WWOX: variants seen among roughly 807,000 people sequenced by gnomAD.
WWOX encodes WW domain containing oxidoreductase, also known as WW domain-containing oxidoreductase.
Under a neutral mutation model 46.2 loss-of-function variants are expected in WWOX, and 69 were observed. The observed-to-expected ratio is 1.49, with a 90% CI of 1.23 to 1.82. WWOX has a LOEUF of 1.82. Ranked by LOEUF, WWOX falls within the 40% of genes most tolerant of loss-of-function variation. WWOX has a pLI of 0.00. For missense variants in WWOX, 919 were observed against 542.6 expected (o/e 1.69, Z -6.89); for synonymous variants, 359 against 202.6 (o/e 1.77, Z -6.56).
At chr16:78,252,279 A>G (rs2038003594) in intron 5 of WWOX, among the ~76,000 whole-genome samples, 1 of 152,242 alleles carries the variant, frequency 6.6e-6, no homozygotes, top group Admixed American at 6.5e-5. Flanking sequence ...TTTAAAAAAA[A>G]TCATATGTAT....
At chr16:78,695,325 A>T (rs74965821) in intron 8 of WWOX, among the ~76,000 whole-genome samples, 3,942 of 152,052 alleles carry the variant, frequency 0.026, 169 homozygotes, top group African/African-American at 0.09. Context: ...TCTCACTCCA[A>T]TTTGAATCCT....
chr16:78,865,120 A>G (rs536202295), intron 8 of WWOX, among the ~76,000 whole-genome samples: 14 of 152,230 alleles, frequency 9.2e-5, no homozygotes, highest in Admixed American at 5.2e-4. Context: ...TTATTAACAT[A>G]TTACATATGT....
intron 8 of WWOX, among the ~76,000 whole-genome samples, chr16:79,066,265 C>A (rs992362694): frequency 6.6e-6 from 1 of 152,166 alleles, no homozygotes; most frequent in African/African-American, 2.4e-5. Flanking sequence ...CTCTGGTTAT[C>A]CTCAGTCATG....
chr16:78,441,452 A>G (rs530486189), intron 8 of WWOX, among the ~76,000 whole-genome samples: 1 of 152,304 alleles, frequency 6.6e-6, no homozygotes, highest in African/African-American at 2.4e-5. Flanking sequence ...CGTAAAAGAT[A>G]AGGCAAGGAG....
chr16:78,729,017 C>G (rs1014320103), intron 8 of WWOX, among the ~76,000 whole-genome samples: 1 of 152,056 alleles, frequency 6.6e-6, no homozygotes, highest in African/African-American at 2.4e-5. Flanking sequence ...GGGTCATCCC[C>G]CTAAAGATAT....
intron 5 of WWOX, among the ~76,000 whole-genome samples, chr16:78,207,218 G>C (rs2036422848): frequency 6.6e-6 from 1 of 152,196 alleles, no homozygotes; most frequent in Non-Finnish European, 1.5e-5. Context: ...ATCCCAGGCA[G>C]ATGCCACAAA....
At chr16:78,971,631 C>A (rs1276967957) in intron 8 of WWOX, among the ~76,000 whole-genome samples, 3 of 151,926 alleles carry the variant, frequency 2.0e-5, no homozygotes, top group African/African-American at 4.8e-5. Flanking sequence ...TGGACCAAAT[C>A]TATTGTTACA....
chr16:78,288,072 CTG>C (rs1190881236), intron 5 of WWOX, among the ~76,000 whole-genome samples: 2 of 152,050 alleles, frequency 1.3e-5, no homozygotes, highest in African/African-American at 4.8e-5. Flanking sequence ...TATTTTTTAA[CTG>C]TGCAATTTAA....
intron 5 of WWOX, among the ~76,000 whole-genome samples, chr16:78,224,554 A>C (rs2151800841): frequency 6.6e-6 from 1 of 152,314 alleles, no homozygotes; most frequent in Middle Eastern, 3.4e-3. Context: ...GTCATGATTT[A>C]CTTAACCAAT....
At chr16:78,974,602 T>G (rs17636643) in intron 8 of WWOX, among the ~76,000 whole-genome samples, 5,537 of 152,332 alleles carry the variant, frequency 0.036, 128 homozygotes, top group Non-Finnish European at 0.048. Context: ...TGTTTTTTAT[T>G]TAGCACAAAC....
intron 8 of WWOX, among the ~76,000 whole-genome samples, chr16:78,997,899 A>T (rs1477765668): frequency 5.3e-5 from 8 of 151,836 alleles, no homozygotes; most frequent in African/African-American, 1.5e-4. Context: ...TTTTTTAGAC[A>T]GAGTTTCACC....
intron 8 of WWOX, among the ~76,000 whole-genome samples, chr16:79,031,752 TTCTA>T (rs1009450122): frequency 1.4e-5 from 2 of 144,602 alleles, no homozygotes; most frequent in African/African-American, 2.5e-5. Flanking sequence ...GTCTCTTTCT[TTCTA>T]TATATATATA....
At chr16:78,963,942 A>G (rs777576580) in intron 8 of WWOX, among the ~76,000 whole-genome samples, 19 of 152,158 alleles carry the variant, frequency 1.2e-4, no homozygotes, top group African/African-American at 2.9e-4. Context: ...ATAAGATCCA[A>G]TGAATTTATC....
In WWOX at chr16:78,428,214, T is replaced by A. The variant is rs898388094; in HGVS notation, c.791+3159T>A. On this transcript the variant is annotated intron_variant, in intron 7 of 8. Transcript: ENST00000566780. The stretch of plus-strand genomic sequence containing the variant: ...AATGTACTAGTAAGGGAAAATTCTA[T>A]TAAGACATAATTGTTTGGCTTTGTC... Among the ~76,000 whole-genome samples the A allele has an allele frequency of 2.0e-5, 3 of 152,350 alleles. 1 individual carries two copies. Among genetic ancestry groups the A allele is most frequent in the Admixed American group, 2.0e-4 (3 of 15,308 alleles).
intron 5 of WWOX, among the ~76,000 whole-genome samples, chr16:78,325,883 A>G (rs2080600283): frequency 2.6e-5 from 4 of 152,240 alleles, no homozygotes; most frequent in Admixed American, 2.6e-4. Context: ...GATGATTTTA[A>G]GAGTTAATCA....
chr16:78,302,520 C>T (rs926072177), intron 5 of WWOX, among the ~76,000 whole-genome samples: 2 of 152,076 alleles, frequency 1.3e-5, no homozygotes, highest in African/African-American at 4.8e-5. Flanking sequence ...TTGTCTTATC[C>T]ACACATGATG....
At chr16:78,265,620 G>A (rs966571658) in intron 5 of WWOX, among the ~76,000 whole-genome samples, 27 of 151,444 alleles carry the variant, frequency 1.8e-4, no homozygotes, top group Non-Finnish European at 3.2e-4. Context: ...GGAGGTTGCA[G>A]TCAGCTGAGA....
rs369673368 is a variant in WWOX at position 79,211,658 on chromosome 16, G to A, written c.1107G>A (p.Glu369=). The change falls in exon 9 of 9, where the codon GAG becomes GAA. Residue 369 remains glutamate, a synonymous_variant. Coordinates refer to ENST00000566780, the MANE Select transcript of WWOX (RefSeq NM_016373.4). ...ACTGTGCTGCTGTCCCAGAACTGGAGGGTCTGGGAGGGATGTACTTCAACA... is the reference window on the plus strand; with the variant it reads ...ACTGTGCTGCTGTCCCAGAACTGGAAGGTCTGGGAGGGATGTACTTCAACA... ...TVYCAAVPEL[E]GLGGMYFNNC... 1.2e-5 allele frequency: 20 copies of A among 1,614,200 alleles called. No homozygotes were observed. The East Asian group carries it at 2.2e-4, about 18-fold the overall frequency.
intron 4 of WWOX, among the ~76,000 whole-genome samples, chr16:78,122,010 A>C (rs2033119213): frequency 6.6e-6 from 1 of 152,182 alleles, no homozygotes; most frequent in Admixed American, 6.5e-5. Context: ...CAGGCATCTG[A>C]AAATACTAAT....
Sources: allele counts gnomAD v4.1 joint callset (sites outside exome capture counted in the v4.1 genomes callset), GRCh38; gene constraint gnomAD v4.1.1; transcripts MANE v1.5; gene names NCBI Gene and HGNC (gene_info 2026-07-23, HGNC 2026-07-21).